Variants in LINGO2 observed in about 807,000 individuals in gnomAD.
LINGO2 encodes leucine rich repeat and Ig domain containing 2, also known as leucine-rich repeat and immunoglobulin-like domain-containing nogo receptor-interacting protein 2.
Under a neutral mutation model 30.6 loss-of-function variants are expected in LINGO2, and 14 were observed. The observed-to-expected ratio is 0.46, with a 90% confidence interval of 0.30 to 0.72. The LOEUF is 0.72. Among genes scored for constraint, LINGO2 ranks in the 30% least tolerant of loss-of-function variants. The pLI, the probability that LINGO2 is intolerant of heterozygous loss-of-function variation, is 0.07. For missense variants in LINGO2, 729 were observed against 751.7 expected (o/e 0.97, Z 0.35); for synonymous variants, 317 against 288.5 (o/e 1.10, Z -1.00).
chr9:28,924,876 C>T, the LINGO2 span, among the ~76,000 whole-genome samples: 1 of 152,082 alleles, frequency 6.6e-6, no homozygotes, highest in Admixed American at 6.6e-5. Flanking sequence ...TTTTATAGTT[C>T]TTGACTGAAA....
intron 1 of LINGO2, among the ~76,000 whole-genome samples, chr9:28,600,059 A>T (rs1218657892): frequency 6.6e-6 from 1 of 152,178 alleles, no homozygotes; most frequent in Non-Finnish European, 1.5e-5. Flanking sequence ...GTATCACTAG[A>T]TTCTACTATA....
chr9:28,879,693 C>T, the LINGO2 span, among the ~76,000 whole-genome samples: 2 of 152,216 alleles, frequency 1.3e-5, no homozygotes, highest in African/African-American at 2.4e-5. Context: ...GTTCCATGTC[C>T]CCCAGAGCTA....
chr9:28,517,444 A>G (rs1248298095), intron 1 of LINGO2, among the ~76,000 whole-genome samples: 1 of 152,190 alleles, frequency 6.6e-6, no homozygotes. Context: ...TATTTATGAG[A>G]ATTTCTGTAC....
the LINGO2 span, among the ~76,000 whole-genome samples, chr9:28,829,240 C>T: frequency 1.3e-5 from 2 of 152,178 alleles, no homozygotes; most frequent in African/African-American, 4.8e-5. Flanking sequence ...TACCTTCCCA[C>T]TCCATCCCCT....
chr9:28,331,559 G>A (rs964883462), intron 3 of LINGO2, among the ~76,000 whole-genome samples: 3 of 152,046 alleles, frequency 2.0e-5, no homozygotes, highest in African/African-American at 4.8e-5. Flanking sequence ...AGGCTACAGT[G>A]CAATGGCCTG....
At chr9:29,004,319 T>A in the LINGO2 span, among the ~76,000 whole-genome samples, 7 of 151,990 alleles carry the variant, frequency 4.6e-5, no homozygotes, top group Non-Finnish European at 1.0e-4. Flanking sequence ...ATTTTATTTG[T>A]ATACGTATCA....
chr9:28,395,829 C>A (rs1158986289), intron 2 of LINGO2, among the ~76,000 whole-genome samples: 1 of 152,150 alleles, frequency 6.6e-6, no homozygotes, highest in African/African-American at 2.4e-5. Context: ...ACTCCTCTGT[C>A]ATGGATACTT....
At chr9:28,428,466 A>C (rs1340392229) in intron 2 of LINGO2, among the ~76,000 whole-genome samples, 1 of 152,136 alleles carries the variant, frequency 6.6e-6, no homozygotes, top group East Asian at 1.9e-4. Context: ...AAAGTAGGTT[A>C]TTTTCATGTC....
chr9:28,192,107 G>T (rs752270883), intron 4 of LINGO2, among the ~76,000 whole-genome samples: 1 of 151,662 alleles, frequency 6.6e-6, no homozygotes, highest in Non-Finnish European at 1.5e-5. Context: ...AACTCTTACA[G>T]CCTCTTCATG....
the LINGO2 span, among the ~76,000 whole-genome samples, chr9:28,787,966 T>G: frequency 2.0e-5 from 3 of 152,176 alleles, no homozygotes; most frequent in Non-Finnish European, 4.4e-5. Flanking sequence ...ATATCTAAAT[T>G]CACTAACCAT....
chr9:29,196,089 T>A, the LINGO2 span, among the ~76,000 whole-genome samples: 1 of 152,142 alleles, frequency 6.6e-6, no homozygotes, highest in Non-Finnish European at 1.5e-5. Flanking sequence ...ATATTGTAGT[T>A]TATTCTTTTC....
chr9:28,848,081 C>A, the LINGO2 span, among the ~76,000 whole-genome samples: 1 of 44,292 alleles, frequency 2.3e-5, no homozygotes, highest in Non-Finnish European at 3.8e-5. Flanking sequence ...TATATATATA[C>A]ACACTATATA....
intron 5 of LINGO2, among the ~76,000 whole-genome samples, chr9:28,006,556 T>A (rs1822278195): frequency 6.6e-6 from 1 of 152,146 alleles, no homozygotes; most frequent in Admixed American, 6.6e-5. Flanking sequence ...AATTTTTTTA[T>A]TAGGAAATCT....
chr9:28,763,472 G>A, the LINGO2 span, among the ~76,000 whole-genome samples: 1 of 151,790 alleles, frequency 6.6e-6, no homozygotes, highest in Non-Finnish European at 1.5e-5. Flanking sequence ...AGAGAATTTA[G>A]AAAATATCTC....
intron 2 of LINGO2, among the ~76,000 whole-genome samples, chr9:28,458,160 C>T (rs1824927389): frequency 6.6e-6 from 1 of 152,178 alleles, no homozygotes; most frequent in Non-Finnish European, 1.5e-5. Flanking sequence ...TAGATCACAA[C>T]ATGAGCCACA....
chr9:28,602,883 C>A (rs1046799029), intron 1 of LINGO2, among the ~76,000 whole-genome samples: 1 of 152,004 alleles, frequency 6.6e-6, no homozygotes, highest in African/African-American at 2.4e-5. Context: ...GTTCAGAGCT[C>A]AACAGCTGAA....
chr9:28,312,619 T>C (rs536106922), intron 3 of LINGO2, among the ~76,000 whole-genome samples: 1 of 152,304 alleles, frequency 6.6e-6, no homozygotes, highest in African/African-American at 2.4e-5. Context: ...AATCATTAGA[T>C]TGGGTTCAAA....
In LINGO2 at chr9:28,520,277, A is replaced by C. The variant is rs1441849681; in HGVS notation, c.-364-44252T>G. 2.0e-5 allele frequency among the ~76,000 whole-genome samples: 3 copies of C among 152,200 alleles called. No individual in the cohort carries two copies. In the South Asian group the frequency reaches 6.2e-4, roughly 32 times the overall value. On this transcript the variant is annotated intron_variant, in intron 1 of 5. Coordinates refer to ENST00000379992, the Ensembl canonical transcript of LINGO2. ...AGAGTACTTCTAAAATTTTATTATG[A>C]ATTATGACGATGTAGGTTTTTAAGT...
chr9:29,205,848 C>T, the LINGO2 span, among the ~76,000 whole-genome samples: 3 of 152,180 alleles, frequency 2.0e-5, no homozygotes, highest in Non-Finnish European at 4.4e-5. Context: ...AGAATAGTTC[C>T]ATTGTCCCAA....
Sources: allele counts gnomAD v4.1 joint callset (sites outside exome capture counted in the v4.1 genomes callset), GRCh38; gene constraint gnomAD v4.1.1; transcripts MANE v1.5; gene names NCBI Gene and HGNC (gene_info 2026-07-23, HGNC 2026-07-21).